Variants in BMPER observed in about 807,000 individuals in gnomAD.
BMPER encodes the protein BMP-binding endothelial regulator protein.
BMPER carries 45 observed loss-of-function variants against 87.3 expected under a neutral mutation model. The ratio of observed to expected loss-of-function variants is 0.52; its 90% CI spans 0.41 to 0.66. The LOEUF (loss-of-function observed/expected upper bound fraction) is 0.66. Among genes scored for constraint, BMPER ranks in the 30% least tolerant of loss-of-function variants. The pLI, the probability that BMPER is intolerant of heterozygous loss-of-function variation, is 0.00. For missense variants in BMPER, 784 were observed against 867.5 expected (o/e 0.90, Z 1.21); for synonymous variants, 326 against 316.2 (o/e 1.03, Z -0.33).
intron 6 of BMPER, among the ~76,000 whole-genome samples, chr7:34,040,273 G>A (rs1787799858): frequency 6.6e-6 from 1 of 152,138 alleles, no homozygotes; most frequent in South Asian, 2.1e-4. Context: ...GAGGCCAAGG[G>A]AAACAAACAG....
At chr7:34,045,102 C>G (rs1787926292) in intron 6 of BMPER, among the ~76,000 whole-genome samples, 1 of 152,180 alleles carries the variant, frequency 6.6e-6, no homozygotes, top group Non-Finnish European at 1.5e-5. Context: ...TCAAGACAAG[C>G]AACCTGCGGG....
intron 14 of BMPER, among the ~76,000 whole-genome samples, chr7:34,152,572 C>T (rs183213990): frequency 5.5e-4 from 83 of 152,234 alleles, no homozygotes; most frequent in Non-Finnish European, 9.7e-4. Flanking sequence ...TTGGCTTACC[C>T]CAGTCTTGCT....
chr7:34,039,877 T>A (rs1011830144), intron 6 of BMPER, among the ~76,000 whole-genome samples: 1 of 152,096 alleles, frequency 6.6e-6, no homozygotes, highest in Non-Finnish European at 1.5e-5. Context: ...GGAACACATC[T>A]TGTATCAGTC....
intron 6 of BMPER, among the ~76,000 whole-genome samples, chr7:33,995,425 C>T (rs1232373102): frequency 3.3e-5 from 5 of 152,004 alleles, no homozygotes. Context: ...TAAAATAGGA[C>T]AATGTTGAGA....
chr7:34,089,982 A>C (rs1789334902), intron 13 of BMPER, among the ~76,000 whole-genome samples: 1 of 152,100 alleles, frequency 6.6e-6, no homozygotes, highest in Non-Finnish European at 1.5e-5. Context: ...AATCAATTTG[A>C]CCCATTTTGG....
At chr7:34,076,213 T>C (rs1201687394) in intron 11 of BMPER, among the ~76,000 whole-genome samples, 1 of 152,188 alleles carries the variant, frequency 6.6e-6, no homozygotes, top group Non-Finnish European at 1.5e-5. Context: ...CAGAGTCACT[T>C]GAGGCAGTAG....
chr7:33,945,643 T>C (rs994979942), intron 3 of BMPER, among the ~76,000 whole-genome samples: 1 of 152,140 alleles, frequency 6.6e-6, no homozygotes, highest in Non-Finnish European at 1.5e-5. Context: ...ATTGAAGCAC[T>C]GTGGATTGTG....
intron 6 of BMPER, among the ~76,000 whole-genome samples, chr7:33,975,276 A>G (rs956242225): frequency 1.3e-5 from 2 of 152,050 alleles, no homozygotes; most frequent in African/African-American, 4.8e-5. Flanking sequence ...GCCAAATAAG[A>G]AGCAATGGGG....
chr7:33,921,648 G>C (rs997029385), intron 2 of BMPER: 1 of 438,258 alleles, frequency 2.3e-6, no homozygotes, highest in South Asian at 1.7e-5. Context: ...AGGCTGACCC[G>C]CTGGGCTGCT....
At chr7:33,910,042 C>T (rs1452522135) in intron 2 of BMPER, among the ~76,000 whole-genome samples, 1 of 152,166 alleles carries the variant, frequency 6.6e-6, no homozygotes, top group African/African-American at 2.4e-5. Flanking sequence ...GATGGAATCT[C>T]GTTTTAAAGT....
intron 13 of BMPER, among the ~76,000 whole-genome samples, chr7:34,089,429 T>C (rs1789315541): frequency 1.3e-5 from 2 of 152,180 alleles, no homozygotes; most frequent in South Asian, 2.1e-4. Context: ...AAAATAATAA[T>C]GACAATGTCT....
intron 13 of BMPER, among the ~76,000 whole-genome samples, chr7:34,127,973 G>A (rs1790447963): frequency 6.6e-6 from 1 of 152,052 alleles, no homozygotes; most frequent in Admixed American, 6.5e-5. Flanking sequence ...TCACTTTTCT[G>A]CTCCAACTGT....
Position 33,964,072 on chromosome 7 carries a change from A to T in BMPER, c.320-2407A>T, listed in dbSNP as rs188460014. Reference sequence around the variant, plus strand: ...TAAGTCATTTATTTTTGGAGTACATATAAGGTTTTCTTTGATTGTATCTAT... The same window carrying T: ...TAAGTCATTTATTTTTGGAGTACATTTAAGGTTTTCTTTGATTGTATCTAT... On this transcript the variant is annotated intron_variant, in intron 3 of 14. Coordinates refer to ENST00000649409, the MANE Select transcript of BMPER (RefSeq NM_001365308.1). 6.6e-5 allele frequency among the ~76,000 whole-genome samples: 10 copies of T among 152,360 alleles called. No individual in the cohort carries two copies. The East Asian group carries it at 1.7e-3, about 26-fold the overall frequency.
chr7:34,101,235 T>A (rs1420337), intron 13 of BMPER, among the ~76,000 whole-genome samples: 149,181 of 152,266 alleles, frequency 0.98, 73,163 homozygotes, highest in East Asian at 1. Context: ...TTTCCCATGC[T>A]GGAGAAAGGA....
At chr7:34,021,952 C>A (rs1394787410) in intron 6 of BMPER, among the ~76,000 whole-genome samples, 2 of 152,004 alleles carry the variant, frequency 1.3e-5, no homozygotes, top group African/African-American at 4.8e-5. Flanking sequence ...CAGACTCCTG[C>A]ATTGTGATGG....
chr7:33,955,360 G>A (rs1785125027), intron 3 of BMPER, among the ~76,000 whole-genome samples: 2 of 152,208 alleles, frequency 1.3e-5, no homozygotes, highest in Admixed American at 1.3e-4. Flanking sequence ...ACGTTGCGCT[G>A]TTGAATCAGA....
intron 13 of BMPER, 37 bp from the exon 14 acceptor site, chr7:34,143,193 T>A (rs202096174): frequency 4.3e-6 from 7 of 1,612,672 alleles, no homozygotes; most frequent in African/African-American, 1.3e-5. Flanking sequence ...TGGTTTGATA[T>A]TTTTAAATGT....
intron 2 of BMPER, among the ~76,000 whole-genome samples, chr7:33,913,048 T>C (rs1439611534): frequency 6.6e-6 from 1 of 152,128 alleles, no homozygotes; most frequent in African/African-American, 2.4e-5. Flanking sequence ...GACGAACACA[T>C]ATATAAATAA....
chr7:34,144,444 T>C (rs1053901015), intron 14 of BMPER, among the ~76,000 whole-genome samples: 1 of 150,136 alleles, frequency 6.7e-6, no homozygotes, highest in African/African-American at 2.5e-5. Flanking sequence ...TGACCCTGGA[T>C]ACTAGATAGA....
Sources: gnomAD v4.1 joint callset for allele counts (sites outside exome capture counted in the v4.1 genomes callset) on GRCh38, gnomAD v4.1.1 for gene constraint, MANE v1.5 for transcripts, NCBI Gene and HGNC (gene_info 2026-07-23, HGNC 2026-07-21) for gene names.